The following SH3GL2 variants were observed in gnomAD, a reference collection of about 807,000 sequenced individuals.
SH3GL2 encodes SH3 domain containing GRB2 like 2, endophilin A1.
A neutral mutation model predicts 46.0 loss-of-function variants in SH3GL2; 24 were observed. The observed-to-expected ratio is 0.52, with a 90% confidence interval of 0.38 to 0.73. The LOEUF (loss-of-function observed/expected upper bound fraction) is 0.73, where lower values mean the gene tolerates loss of function less well. Among genes scored for constraint, SH3GL2 ranks in the 30% least tolerant of loss-of-function variants. The probability of loss-of-function intolerance (pLI) is 0.00; values close to 1 mark genes in which losing one functional copy is unlikely to be tolerated. For synonymous variants in SH3GL2, 196 were observed against 147.1 expected, an observed-to-expected ratio of 1.33 and a Z score of -2.40; for missense variants, 413 against 424.2, an observed-to-expected ratio of 0.97 and a Z score of 0.23.
chr9:17,729,549 G>A (rs1822116291), intron 1 of SH3GL2, among the ~76,000 whole-genome samples: 1 of 152,136 alleles, frequency 6.6e-6, no homozygotes, highest in Admixed American at 6.5e-5. Context: ...CCTATGTCCT[G>A]AATGGTATTG....
chr9:17,762,536 G>T (rs1269027981), intron 3 of SH3GL2, among the ~76,000 whole-genome samples: 3 of 152,132 alleles, frequency 2.0e-5, no homozygotes, highest in Non-Finnish European at 2.9e-5. Flanking sequence ...GACCAGCCCA[G>T]CTGCTATTCT....
At chr9:17,770,941 C>T (rs552078277) in intron 3 of SH3GL2, among the ~76,000 whole-genome samples, 2 of 152,326 alleles carry the variant, frequency 1.3e-5, no homozygotes, top group Admixed American at 6.5e-5. Flanking sequence ...TCTGACTCTA[C>T]ATTGTTTGCA....
At chr9:17,599,236 TATC>T (rs1364998373) in intron 1 of SH3GL2, among the ~76,000 whole-genome samples, 3 of 152,306 alleles carry the variant, frequency 2.0e-5, no homozygotes, top group East Asian at 3.9e-4. Flanking sequence ...AAACATAACA[TATC>T]ATGCAGAGAC....
At chr9:17,604,911 G>A (rs1818736620) in intron 1 of SH3GL2, among the ~76,000 whole-genome samples, 1 of 151,994 alleles carries the variant, frequency 6.6e-6, no homozygotes, top group African/African-American at 2.4e-5. Flanking sequence ...GTAGGTCGAG[G>A]ACCTGCAGGT....
chr9:17,731,947 A>C (rs1378728773), intron 1 of SH3GL2, among the ~76,000 whole-genome samples: 2 of 152,160 alleles, frequency 1.3e-5, no homozygotes, highest in Admixed American at 6.6e-5. Context: ...TAAATGAACA[A>C]GTGGTAGAAA....
intron 1 of SH3GL2, among the ~76,000 whole-genome samples, chr9:17,628,134 T>G (rs187245346): frequency 6.6e-6 from 1 of 152,204 alleles, no homozygotes; most frequent in African/African-American, 2.4e-5. Flanking sequence ...AGTCTCAGTT[T>G]CTTCTTTAAA....
At chr9:17,630,645 A>G (rs1474591422) in intron 1 of SH3GL2, among the ~76,000 whole-genome samples, 1 of 152,224 alleles carries the variant, frequency 6.6e-6, no homozygotes, top group African/African-American at 2.4e-5. Context: ...GTTACATAAC[A>G]CCAGTGGGAC....
chr9:17,653,079 A>C (rs750877259), intron 1 of SH3GL2, among the ~76,000 whole-genome samples: 1 of 152,146 alleles, frequency 6.6e-6, no homozygotes, highest in Non-Finnish European at 1.5e-5. Context: ...TGGTTGAATC[A>C]TGGTTTTCTC....
intron 1 of SH3GL2, among the ~76,000 whole-genome samples, chr9:17,579,893 C>T (rs1039946714): frequency 6.6e-6 from 1 of 152,222 alleles, no homozygotes; most frequent in East Asian, 1.9e-4. Flanking sequence ...TCGTGAAACT[C>T]CTTTGAGGCC....
intron 3 of SH3GL2, among the ~76,000 whole-genome samples, chr9:17,783,725 T>G (rs1413599885): frequency 6.6e-6 from 1 of 152,106 alleles, no homozygotes; most frequent in Non-Finnish European, 1.5e-5. Flanking sequence ...TCATCCTAAT[T>G]TTGCTTCCTG....
chr9:17,633,470 C>A (rs570940502), intron 1 of SH3GL2, among the ~76,000 whole-genome samples: 2 of 152,236 alleles, frequency 1.3e-5, no homozygotes, highest in African/African-American at 4.8e-5. Flanking sequence ...GCACAAGTGT[C>A]CTAAATGTTT....
chr9:17,770,248 A>G (rs1041963402), intron 3 of SH3GL2, among the ~76,000 whole-genome samples: 1 of 152,240 alleles, frequency 6.6e-6, no homozygotes, highest in African/African-American at 2.4e-5. Context: ...GTGTTTATAT[A>G]CATAGATAAT....
intron 1 of SH3GL2, among the ~76,000 whole-genome samples, chr9:17,594,362 C>T (rs1818534561): frequency 6.6e-6 from 1 of 152,056 alleles, no homozygotes; most frequent in Non-Finnish European, 1.5e-5. Flanking sequence ...GATTAATCAC[C>T]ACTTTATCAG....
At position 17,761,692 on chromosome 9, in the gene SH3GL2, C is replaced by T; in HGVS notation, c.187+183C>T. 4.6e-6 allele frequency: 3 copies of T among 655,750 alleles called. No individual in the cohort carries two copies. The South Asian group carries it at 5.2e-5, about 11-fold the overall frequency. The allele number at this position is 655,750 out of a possible 1,614,324, so 40.6% of individuals were successfully genotyped here. Reference sequence around the variant, plus strand: ...GGGGAGAAGGGCTTTTTAAAGCTCACATTGAAGTAACTGGAAGATCTGTGG... The same window carrying T: ...GGGGAGAAGGGCTTTTTAAAGCTCATATTGAAGTAACTGGAAGATCTGTGG... On this transcript the variant is annotated intron_variant, in intron 3 of 8. Transcript: ENST00000380607.
intron 1 of SH3GL2, among the ~76,000 whole-genome samples, chr9:17,687,495 T>A (rs1484358627): frequency 2.6e-5 from 4 of 151,254 alleles, no homozygotes; most frequent in African/African-American, 9.8e-5. Context: ...CTTTTTTAAG[T>A]GCAGCAAAAA....
At chr9:17,654,339 TA>T (rs1820022277) in intron 1 of SH3GL2, among the ~76,000 whole-genome samples, 1 of 152,190 alleles carries the variant, frequency 6.6e-6, no homozygotes, top group Admixed American at 6.5e-5. Flanking sequence ...TTCCCCTGAA[TA>T]AATGGACTCC....
At chr9:17,586,378 T>C (rs1243568673) in intron 1 of SH3GL2, among the ~76,000 whole-genome samples, 1 of 152,170 alleles carries the variant, frequency 6.6e-6, no homozygotes, top group Non-Finnish European at 1.5e-5. Context: ...TTTTGAATTA[T>C]GATATATATA....
At chr9:17,789,017 G>T (rs538179090) in intron 5 of SH3GL2, among the ~76,000 whole-genome samples, 68 of 152,326 alleles carry the variant, frequency 4.5e-4, no homozygotes, top group African/African-American at 1.6e-3. Flanking sequence ...TTCTCTTGAA[G>T]ACAGGGCCTG....
intron 1 of SH3GL2, among the ~76,000 whole-genome samples, chr9:17,686,690 C>T (rs1043716521): frequency 7.0e-6 from 1 of 142,808 alleles, no homozygotes; most frequent in Non-Finnish European, 1.5e-5. Context: ...ATCGCAAGAA[C>T]AAAAAACCAA....
Sources: allele counts gnomAD v4.1 joint callset (sites outside exome capture counted in the v4.1 genomes callset), GRCh38; gene constraint gnomAD v4.1.1; transcripts MANE v1.5; gene names NCBI Gene and HGNC (gene_info 2026-07-23, HGNC 2026-07-21).